SDK2: variants seen among roughly 807,000 people sequenced by gnomAD.
SDK2 encodes sidekick cell adhesion molecule 2, also known as protein sidekick-2.
Under a neutral mutation model 253.9 loss-of-function variants are expected in SDK2, and 105 were observed. The ratio of observed to expected loss-of-function variants is 0.41; its 90% CI spans 0.35 to 0.49. The LOEUF (loss-of-function observed/expected upper bound fraction) is 0.49, where lower values mean the gene tolerates loss of function less well. SDK2 is among the 20% of genes least tolerant of loss of function. SDK2 has a pLI of 0.06. For synonymous variants in SDK2, 1,249 were observed against 1,234.9 expected, an observed-to-expected ratio of 1.01 and a Z score of -0.24; for missense variants, 2,608 against 3,003.0, an observed-to-expected ratio of 0.87 and a Z score of 3.07.
intron 18 of SDK2, among the ~76,000 whole-genome samples, chr17:73,412,067 TACG>T: frequency 4.0e-5 from 1 of 25,190 alleles, no homozygotes; most frequent in African/African-American, 1.1e-4. Flanking sequence ...TATGTATATA[TACG>T]TATATATGTA....
chr17:73,369,174 C>A (rs894033163), intron 36 of SDK2: 5 of 470,872 alleles, frequency 1.1e-5, no homozygotes, highest in Non-Finnish European at 1.8e-5. Flanking sequence ...AGCGCTGGCA[C>A]ATCAGCACTT....
intron 24 of SDK2, among the ~76,000 whole-genome samples, chr17:73,397,069 A>G (rs774089328): frequency 6.6e-5 from 10 of 152,240 alleles, no homozygotes; most frequent in African/African-American, 1.4e-4. Flanking sequence ...GTTTTGCACA[A>G]TGAGTGAGAT....
intron 36 of SDK2, among the ~76,000 whole-genome samples, chr17:73,369,994 C>T (rs1223430358): frequency 1.3e-5 from 2 of 152,154 alleles, no homozygotes; most frequent in Non-Finnish European, 2.9e-5. Context: ...TCTGCTAGTT[C>T]CAGGACTGAG....
chr17:73,497,291 TC>T (rs1483401708), intron 2 of SDK2, among the ~76,000 whole-genome samples: 7 of 152,082 alleles, frequency 4.6e-5, no homozygotes, highest in Non-Finnish European at 1.0e-4. Flanking sequence ...CACTGCAATC[TC>T]CAGGCTTCCC....
chr17:73,564,835 A>AC (rs2045289255), intron 1 of SDK2, among the ~76,000 whole-genome samples: 2 of 97,710 alleles, frequency 2.0e-5, no homozygotes, highest in African/African-American at 8.8e-5. Context: ...AAAAAAAAAC[A>AC]AAAAACAAAA....
chr17:73,644,364 C>T lies in SDK2; in HGVS notation c.-276G>A, dbSNP rs1465189368. Among the ~76,000 whole-genome samples the T allele has an allele frequency of 6.6e-6, 1 of 152,196 alleles. No individual in the cohort carries two copies. Among genetic ancestry groups the T allele is most frequent in the South Asian group, 2.1e-4 (1 of 4,834 alleles). ...CGCCCTCTCGGACTAGGGCGCCTCT[C>T]TCCCTTAGCACCCCAACTCCGACTT... On this transcript the variant is annotated 5_prime_UTR_variant, in exon 1 of 45. Transcript: ENST00000392650. This position sits in a 1 kb window ranked among gnomAD's most constrained non-coding sequence, Gnocchi z 6.3.
chr17:73,507,194 A>G (rs192606569), intron 2 of SDK2, among the ~76,000 whole-genome samples: 5 of 152,356 alleles, frequency 3.3e-5, no homozygotes, highest in Non-Finnish European at 5.9e-5. Context: ...GCACTGTGGT[A>G]CAGACCATCC....
rs1339961193 is a variant in SDK2 at position 73,395,366 on chromosome 17, C to T, written c.3381G>A (p.Gly1127=). 1.2e-6 allele frequency: 2 copies of T among 1,613,826 alleles called. No individual in the cohort carries two copies. Among genetic ancestry groups the T allele is most frequent in the East Asian group, 2.2e-5 (1 of 44,888 alleles). The change falls in exon 25 of 45, where the codon GGG becomes GGA. Residue 1127 remains glycine, a synonymous_variant. Coordinates refer to ENST00000392650, the MANE Select transcript of SDK2 (RefSeq NM_001144952.2). This position sits in a 1 kb window ranked among gnomAD's most constrained non-coding sequence, Gnocchi z 4.3. ...TCTTATAGCCCACGGACTCAGGGTTCCCATTGTATTCCATCTCCGGGAGAG... is the reference window on the plus strand; with the variant it reads ...TCTTATAGCCCACGGACTCAGGGTTTCCATTGTATTCCATCTCCGGGAGAG... ...WMPLPEMEYN[G]NPESVGYKIK... is the part of the protein sequence containing the mutation.
chr17:73,446,025 A>G (rs1254045474), intron 5 of SDK2, among the ~76,000 whole-genome samples: 1 of 152,152 alleles, frequency 6.6e-6, no homozygotes, highest in Admixed American at 6.5e-5. Context: ...AGCCTAGTTT[A>G]ACGCCTATGA....
chr17:73,542,129 T>C (rs1417808996), intron 1 of SDK2, among the ~76,000 whole-genome samples: 2 of 152,236 alleles, frequency 1.3e-5, no homozygotes, highest in East Asian at 3.9e-4. Flanking sequence ...GACTGGCCCA[T>C]CTCATCACAG....
intron 40 of SDK2, among the ~76,000 whole-genome samples, chr17:73,353,442 C>CA (rs1255118276): frequency 5.3e-5 from 8 of 152,132 alleles, no homozygotes; most frequent in Non-Finnish European, 7.3e-5. Context: ...TGTTTCGAGA[C>CA]AGAGTTTCGC....
intron 40 of SDK2, among the ~76,000 whole-genome samples, chr17:73,353,558 CCTGA>C (rs1409976863): frequency 2.6e-5 from 4 of 152,102 alleles, no homozygotes; most frequent in Non-Finnish European, 5.9e-5. Context: ...ATCCACCATG[CCTGA>C]CTAATTTTGT....
intron 2 of SDK2, among the ~76,000 whole-genome samples, chr17:73,497,897 G>A (rs1030372129): frequency 2.0e-5 from 3 of 152,110 alleles, no homozygotes; most frequent in Non-Finnish European, 4.4e-5. Context: ...CCTTGGCCAC[G>A]TGGACCTTCT....
intron 1 of SDK2, among the ~76,000 whole-genome samples, chr17:73,559,598 G>GGCCCCCCCCC (rs2045197420): frequency 1.6e-5 from 2 of 122,176 alleles, no homozygotes; most frequent in Non-Finnish European, 3.2e-5. Context: ...CGCTCCCTGT[G>GGCCCCCCCCC]CCCCCCGCCC....
intron 1 of SDK2, among the ~76,000 whole-genome samples, chr17:73,533,943 A>T (rs551210304): frequency 2.2e-4 from 33 of 152,112 alleles, no homozygotes; most frequent in African/African-American, 8.0e-4. Flanking sequence ...GCTGAAATTC[A>T]TCACTTTCCA....
At chr17:73,623,767 G>A (rs1036573199) in intron 1 of SDK2, among the ~76,000 whole-genome samples, 2 of 152,122 alleles carry the variant, frequency 1.3e-5, no homozygotes, top group Admixed American at 1.3e-4. Flanking sequence ...GCCCAGGCTG[G>A]ACTGCTCTGC....
rs2063520724 is a variant in SDK2, at chr17:73,455,676, C to G, written c.479+230G>C. On this transcript the variant is annotated intron_variant, in intron 4 of 44. Transcript: ENST00000392650. The surrounding 1 kb of genome is among the most constrained non-coding windows in gnomAD (Gnocchi z 5.0). ...TCCAGCTGATGGTGGAGGCAACGCCCTGGGATTCCCCAGGAAGGGGACCGG... is the reference window on the plus strand; with the variant it reads ...TCCAGCTGATGGTGGAGGCAACGCCGTGGGATTCCCCAGGAAGGGGACCGG... 6.6e-6 allele frequency among the ~76,000 whole-genome samples: 1 copy of G among 152,166 alleles called. No homozygotes were observed. Among genetic ancestry groups the G allele is most frequent in the Non-Finnish European group, 1.5e-5 (1 of 68,020 alleles).
At chr17:73,584,026 G>A (rs773156319) in intron 1 of SDK2, among the ~76,000 whole-genome samples, 4 of 152,242 alleles carry the variant, frequency 2.6e-5, no homozygotes, top group Non-Finnish European at 5.9e-5. Context: ...GTTGTGGGAT[G>A]TCGGCTCTTG....
intron 16 of SDK2, among the ~76,000 whole-genome samples, chr17:73,417,170 C>T (rs112310034): frequency 0.07 from 10,578 of 150,618 alleles, 426 homozygotes; most frequent in South Asian, 0.13. Context: ...TTGGGAGGCC[C>T]AGGCAGGTGG....
Sources: gnomAD v4.1 joint callset for allele counts (sites outside exome capture counted in the v4.1 genomes callset) on GRCh38, gnomAD v4.1.1 for gene constraint, Gnocchi (gnomAD v3.1) non-coding constraint, MANE v1.5 for transcripts, NCBI Gene and HGNC (gene_info 2026-07-23, HGNC 2026-07-21) for gene names.